ARMC2: variants seen among roughly 807,000 people sequenced by gnomAD.
ARMC2 encodes the protein armadillo repeat-containing protein 2.
In ARMC2, 67 loss-of-function variants were observed where a neutral mutation model predicts 90.3. The ratio of observed to expected loss-of-function variants is 0.74; its 90% CI spans 0.61 to 0.91. The LOEUF (loss-of-function observed/expected upper bound fraction) is 0.91, where lower values mean the gene tolerates loss of function less well. Ranked by LOEUF, ARMC2 falls within the 40% of genes least tolerant of loss-of-function variation. The pLI, the probability that ARMC2 is intolerant of heterozygous loss-of-function variation, is 0.00. For synonymous variants in ARMC2, 393 were observed against 393.0 expected, an observed-to-expected ratio of 1.00 and a Z score of 0.00; for missense variants, 920 against 1,030.9, an observed-to-expected ratio of 0.89 and a Z score of 1.47.
At chr6:108,951,213 G>A (rs1777154358) in intron 12 of ARMC2, among the ~76,000 whole-genome samples, 1 of 152,050 alleles carries the variant, frequency 6.6e-6, no homozygotes, top group African/African-American at 2.4e-5. Flanking sequence ...TTCTTCCTTT[G>A]CCGTTTTAGT....
the ARMC2 span, among the ~76,000 whole-genome samples, chr6:109,025,324 G>T: frequency 6.6e-6 from 1 of 151,758 alleles, no homozygotes; most frequent in Non-Finnish European, 1.5e-5. Context: ...TTAAAAGCAA[G>T]GTAAATATTT....
At position 108,894,473 on chromosome 6, in the gene ARMC2, G is replaced by A. The variant is rs1261636676; in HGVS notation, c.678G>A (p.Gln226=). The stretch of plus-strand genomic sequence containing the variant: ...TTTTATGTATTCCTCCTAGGGACCA[G>A]GGGAAGAGACATGCGAGGGCCTCAT... The part of the protein sequence containing the change: ...LPSHLKNGGD[Q]GKRHARASSC... The change falls in exon 6 of 18, where the codon CAG becomes CAA. Residue 226 remains glutamine, a synonymous_variant. Coordinates refer to ENST00000392644, the MANE Select transcript of ARMC2 (RefSeq NM_032131.6). 6.2e-7 allele frequency: 1 copy of A among 1,609,234 alleles called. No individual in the cohort carries two copies. The highest frequency in any genetic ancestry group is 1.1e-5 in the South Asian group (1 of 90,534).
chr6:108,948,436 A>G (rs1776957121), intron 12 of ARMC2, among the ~76,000 whole-genome samples: 1 of 151,866 alleles, frequency 6.6e-6, no homozygotes. Flanking sequence ...AAGGGAGGGG[A>G]AAAAAAGAAA....
the ARMC2 span, chr6:108,990,638 G>A: frequency 6.2e-7 from 1 of 1,613,326 alleles, no homozygotes; most frequent in Non-Finnish European, 8.5e-7. Context: ...ACAGAAAGAA[G>A]ACTAACCTTA....
the ARMC2 span, among the ~76,000 whole-genome samples, chr6:108,981,807 CA>C: frequency 1.1e-3 from 160 of 152,148 alleles, 1 homozygote; most frequent in African/African-American, 3.5e-3. Context: ...GCTGGGATTA[CA>C]GGCATGCACC....
the ARMC2 span, among the ~76,000 whole-genome samples, chr6:109,029,638 C>T: frequency 1.1e-3 from 170 of 152,218 alleles, 1 homozygote; most frequent in East Asian, 7.7e-3. Context: ...GGGGCTCAAG[C>T]GATCCTCCTG....
At chr6:108,989,248 C>A in the ARMC2 span, among the ~76,000 whole-genome samples, 1 of 152,156 alleles carries the variant, frequency 6.6e-6, no homozygotes, top group Non-Finnish European at 1.5e-5. Flanking sequence ...AGTGATCTGC[C>A]CGCCTTGGCT....
chr6:108,910,411 G>A (rs550411081), intron 8 of ARMC2, among the ~76,000 whole-genome samples: 16 of 152,236 alleles, frequency 1.1e-4, no homozygotes, highest in Admixed American at 5.2e-4. Flanking sequence ...AGCTGTGATG[G>A]CAGCATCACT....
At chr6:108,997,112 A>C in the ARMC2 span, among the ~76,000 whole-genome samples, 8 of 150,946 alleles carry the variant, frequency 5.3e-5, no homozygotes, top group African/African-American at 1.9e-4. Flanking sequence ...CCTAAAGAAC[A>C]AGCCATATCA....
rs1045368723 is a variant in ARMC2 at position 108,899,643 on chromosome 6, T to A, written c.749-51T>A. On this transcript the variant is annotated intron_variant, in intron 6 of 17. Coordinates refer to ENST00000392644, the MANE Select transcript of ARMC2 (RefSeq NM_032131.6). ...AGTAAAGGCTTTTGACCATGCTTCA[T>A]GACAACTCCTTTTTCATAGCTTTTT... The A allele has an allele frequency of 7.8e-6, 11 of 1,405,882 alleles. No homozygotes were observed. The African/African-American group carries it at 1.6e-4, about 20-fold the overall frequency. 87.1% of individuals were successfully genotyped at this position (1,405,882 alleles called of 1,614,324 possible). A position where few individuals can be genotyped will look rare whatever the true frequency, so the allele number is the denominator to read the frequency against.
At chr6:109,040,387 G>T in the ARMC2 span, among the ~76,000 whole-genome samples, 2 of 152,120 alleles carry the variant, frequency 1.3e-5, no homozygotes, top group Non-Finnish European at 2.9e-5. Flanking sequence ...GGATTAAAAG[G>T]TTTCATTTAT....
intron 3 of ARMC2, among the ~76,000 whole-genome samples, chr6:108,864,892 C>A (rs1397267886): frequency 1.3e-5 from 2 of 152,082 alleles, no homozygotes; most frequent in Admixed American, 1.3e-4. Flanking sequence ...GGTCCACCAG[C>A]CAGAACAGAC....
At chr6:108,925,076 T>A (rs911569155) in intron 10 of ARMC2, among the ~76,000 whole-genome samples, 1 of 152,158 alleles carries the variant, frequency 6.6e-6, no homozygotes, top group African/African-American at 2.4e-5. Flanking sequence ...TATTTTTTAT[T>A]CTGTGATGGA....
At chr6:108,882,193 T>C (rs1346537451) in intron 5 of ARMC2, among the ~76,000 whole-genome samples, 1 of 151,330 alleles carries the variant, frequency 6.6e-6, no homozygotes, top group Non-Finnish European at 1.5e-5. Flanking sequence ...TCCCAACACT[T>C]TGGGAGGCCG....
intron 11 of ARMC2, among the ~76,000 whole-genome samples, chr6:108,931,269 C>T (rs1308460542): frequency 1.3e-5 from 2 of 152,012 alleles, no homozygotes; most frequent in Non-Finnish European, 2.9e-5. Flanking sequence ...TTTTTTATAG[C>T]TGCATAGTAT....
At chr6:108,916,466 C>G (rs893264393) in intron 10 of ARMC2, among the ~76,000 whole-genome samples, 5 of 152,190 alleles carry the variant, frequency 3.3e-5, no homozygotes, top group Non-Finnish European at 7.3e-5. Context: ...TGCATCAAGT[C>G]AAAGCGTGAA....
intron 4 of ARMC2, among the ~76,000 whole-genome samples, chr6:108,869,952 T>A (rs1198159014): frequency 6.6e-6 from 1 of 152,216 alleles, no homozygotes; most frequent in Non-Finnish European, 1.5e-5. Flanking sequence ...AATGTCAGAA[T>A]ACATGACACA....
intron 12 of ARMC2, among the ~76,000 whole-genome samples, chr6:108,946,512 A>T (rs1383743909): frequency 6.6e-6 from 1 of 152,166 alleles, no homozygotes; most frequent in African/African-American, 2.4e-5. Context: ...GCTAAAATTT[A>T]TCTGTTCTTC....
chr6:108,936,929 C>T lies in ARMC2; in HGVS notation c.1526C>T (p.Thr509Ile), dbSNP rs1027233581. 12 of 1,603,448 alleles carry T rather than the reference C, an allele frequency of 7.5e-6. No individual in the cohort carries two copies. The highest frequency in any genetic ancestry group is 1.0e-5 in the Non-Finnish European group (12 of 1,174,392). ...CTTACTTCTTACCGTGACTGCTGCA[C>T]AGCCTTGGCCAGCTATTCCAGATGT... ...SKLTSYRDCC[T>I]ALASYSRCYA... Residue 509 changes from threonine (T) to isoleucine (I), a missense_variant, in exon 12 of 18, where the codon ACA (threonine) becomes ATA (isoleucine). Coordinates refer to ENST00000392644, the MANE Select transcript of ARMC2 (RefSeq NM_032131.6).
Sources: gnomAD v4.1 joint callset for allele counts (sites outside exome capture counted in the v4.1 genomes callset) on GRCh38, gnomAD v4.1.1 for gene constraint, MANE v1.5 for transcripts, NCBI Gene and HGNC (gene_info 2026-07-23, HGNC 2026-07-21) for gene names.